COL24A1: variants seen among roughly 807,000 people sequenced by gnomAD.
COL24A1 encodes the protein collagen alpha-1(XXIV) chain.
Under a neutral mutation model 253.9 loss-of-function variants are expected in COL24A1, and 224 were observed. The ratio of observed to expected loss-of-function variants is 0.88; its 90% confidence interval spans 0.79 to 0.99. COL24A1 has a LOEUF of 0.99. Among genes scored for constraint, COL24A1 ranks in the 50% least tolerant of loss-of-function variants. The probability of loss-of-function intolerance (pLI) is 0.00; values close to 1 mark genes in which losing one functional copy is unlikely to be tolerated. For missense variants in COL24A1, 2,131 were observed against 2,068.5 expected (o/e 1.03, Z -0.59); for synonymous variants, 685 against 673.7 (o/e 1.02, Z -0.26).
intron 19 of COL24A1, 151 bp downstream of exon 19, chr1:86,017,000 T>A: frequency 1.4e-6 from 1 of 707,910 alleles, no homozygotes; most frequent in East Asian, 3.2e-5. Context: ...CCTCGTGACA[T>A]AACAGAAAAA....
intron 24 of COL24A1, among the ~76,000 whole-genome samples, chr1:85,945,660 G>C (rs976107494): frequency 1.3e-5 from 2 of 148,440 alleles, no homozygotes; most frequent in Middle Eastern, 3.4e-3. Context: ...ATCTTGGAGT[G>C]GGGTGAGTGG....
intron 5 of COL24A1, among the ~76,000 whole-genome samples, chr1:86,109,886 A>G (rs890641577): frequency 6.6e-6 from 1 of 152,234 alleles, no homozygotes; most frequent in East Asian, 1.9e-4. Context: ...GTGCCCTTAT[A>G]AAAGAGACCC....
chr1:86,117,344 T>TGA lies in COL24A1; in HGVS notation c.1492-1968_1492-1967dup, dbSNP rs374299688. 5.1e-4 allele frequency among the ~76,000 whole-genome samples: 78 copies of TGA among 152,334 alleles called. No individual in the cohort carries two copies. The East Asian group carries it at 0.013, about 24-fold the overall frequency. On this transcript the variant is annotated intron_variant, in intron 3 of 59. Transcript: ENST00000370571. Reference sequence around the variant, plus strand: ...TAGTTCATTTTCCTCTTCCACCATGTGAGGACACAGCACGAAGGTGCCATC... The same window carrying TGA: ...TAGTTCATTTTCCTCTTCCACCATGTGAGAGGACACAGCACGAAGGTGCCATC...
intron 57 of COL24A1, 117 bp from the exon 58 acceptor site, chr1:85,737,622 G>T: frequency 1.5e-6 from 1 of 663,288 alleles, no homozygotes; most frequent in Non-Finnish European, 2.4e-6. Context: ...GGAGTGCAGC[G>T]GTGCGATCTT....
At chr1:85,811,851 G>A (rs1038297048) in intron 47 of COL24A1, among the ~76,000 whole-genome samples, 2 of 152,204 alleles carry the variant, frequency 1.3e-5, no homozygotes, top group Non-Finnish European at 2.9e-5. Context: ...CAGGGTGTAA[G>A]TTACAATGCT....
chr1:86,138,681 T>C (rs1194331521), intron 2 of COL24A1, among the ~76,000 whole-genome samples: 1 of 152,160 alleles, frequency 6.6e-6, no homozygotes, highest in African/African-American at 2.4e-5. Flanking sequence ...CTCTTTCTTT[T>C]GTAAATTGCC....
chr1:85,743,543 G>A (rs922293364), intron 57 of COL24A1, among the ~76,000 whole-genome samples: 1 of 152,086 alleles, frequency 6.6e-6, no homozygotes, highest in Non-Finnish European at 1.5e-5. Flanking sequence ...AGTGATGAAA[G>A]TATTTGGGGG....
At chr1:86,088,518 G>A (rs1703244393) in intron 7 of COL24A1, among the ~76,000 whole-genome samples, 1 of 152,022 alleles carries the variant, frequency 6.6e-6, no homozygotes, top group South Asian at 2.1e-4. Context: ...GTTAATCCAG[G>A]AAACTAAAAG....
intron 22 of COL24A1, among the ~76,000 whole-genome samples, chr1:85,969,778 T>C (rs562825996): frequency 6.6e-6 from 1 of 152,076 alleles, no homozygotes; most frequent in African/African-American, 2.4e-5. Flanking sequence ...CAAAAATGTT[T>C]AAATAATTCA....
chr1:85,829,648 C>T (rs1232120222), intron 43 of COL24A1, among the ~76,000 whole-genome samples: 1 of 151,968 alleles, frequency 6.6e-6, no homozygotes, highest in Non-Finnish European at 1.5e-5. Context: ...CTCTAAACTT[C>T]CCTTCTCGCT....
intron 6 of COL24A1, among the ~76,000 whole-genome samples, chr1:86,090,981 T>TA (rs1703453136): frequency 6.6e-6 from 1 of 152,126 alleles, no homozygotes; most frequent in Non-Finnish European, 1.5e-5. Context: ...GGGTTTTACT[T>TA]AAAATAGTCA....
chr1:85,933,870 T>C (rs1688029666), intron 24 of COL24A1, among the ~76,000 whole-genome samples: 1 of 152,230 alleles, frequency 6.6e-6, no homozygotes, highest in Non-Finnish European at 1.5e-5. Context: ...TGAAATATTA[T>C]GTATTACTAT....
chr1:85,731,379 TATC>T (rs1319428466), intron 59 of COL24A1, among the ~76,000 whole-genome samples: 1 of 152,190 alleles, frequency 6.6e-6, no homozygotes, highest in East Asian at 1.9e-4. Context: ...TTCACAGAAT[TATC>T]ATGATATAAA....
At chr1:85,792,344 T>C (rs1437728235) in intron 47 of COL24A1, among the ~76,000 whole-genome samples, 1 of 151,658 alleles carries the variant, frequency 6.6e-6, no homozygotes, top group Non-Finnish European at 1.5e-5. Flanking sequence ...TTTAAAAATA[T>C]AGATATAAAT....
At chr1:86,048,983 T>C (rs1292277832) in intron 11 of COL24A1, among the ~76,000 whole-genome samples, 3 of 152,178 alleles carry the variant, frequency 2.0e-5, no homozygotes, top group Non-Finnish European at 2.9e-5. Flanking sequence ...CAGAAAAGGA[T>C]TGTTATCACG....
chr1:86,009,761 A>G (rs1382380284), intron 19 of COL24A1, among the ~76,000 whole-genome samples: 1 of 152,142 alleles, frequency 6.6e-6, no homozygotes, highest in Non-Finnish European at 1.5e-5. Context: ...TTTGTTTACA[A>G]CAGCATCACC....
chr1:85,868,552 TC>T lies in COL24A1; in HGVS notation c.3266del (p.Gly1089AspfsTer36), dbSNP rs777171920. The T allele has an allele frequency of 3.7e-6, 6 of 1,613,850 alleles. No individual in the cohort carries two copies. The Admixed American group carries it at 1.0e-4, about 27-fold the overall frequency. On this transcript the variant is annotated frameshift_variant, in exon 37 of 60. Transcript: ENST00000370571. LOFTEE classifies it high-confidence loss of function. Reference protein sequence around the residue: ...KGEMGLPGIIGPLGRSGQTGL... With the variant: ...KGEMGLPGIIXPLGRSGQTGL... ...CTGTTTGGCCTGATCTACCCAAGGG[TC>T]CTATAATTCCTGGTAAGCCCATCTC...
intron 47 of COL24A1, among the ~76,000 whole-genome samples, chr1:85,811,916 A>G (rs1310094984): frequency 6.6e-6 from 1 of 152,236 alleles, no homozygotes; most frequent in Non-Finnish European, 1.5e-5. Context: ...AAGGCTCTGT[A>G]GCTGGTAGAG....
chr1:86,048,809 T>C (rs1427184904), intron 11 of COL24A1, among the ~76,000 whole-genome samples: 1 of 152,122 alleles, frequency 6.6e-6, no homozygotes, highest in African/African-American at 2.4e-5. Context: ...TATTTTCATA[T>C]AGACTGCTAA....
Sources: allele counts gnomAD v4.1 joint callset (sites outside exome capture counted in the v4.1 genomes callset), GRCh38; gene constraint gnomAD v4.1.1; transcripts MANE v1.5; gene names NCBI Gene and HGNC (gene_info 2026-07-23, HGNC 2026-07-21).